The following ABI3BP variants were observed in gnomAD, a reference collection of about 807,000 sequenced individuals.
The protein encoded by ABI3BP is target of Nesh-SH3.
In ABI3BP, 216 loss-of-function variants were observed where a neutral mutation model predicts 268.6. The observed-to-expected ratio is 0.80, with a 90% CI of 0.72 to 0.90. ABI3BP has a LOEUF of 0.90. Ranked by LOEUF, ABI3BP falls within the 40% of genes least tolerant of loss-of-function variation. The probability of loss-of-function intolerance (pLI) is 0.00; values close to 1 mark genes in which losing one functional copy is unlikely to be tolerated. For synonymous variants in ABI3BP, 730 were observed against 730.0 expected (o/e 1.00, Z 0.00); for missense variants, 2,090 against 2,182.4 (o/e 0.96, Z 0.84).
At chr3:100,844,905 C>T (rs1359009545) in intron 20 of ABI3BP, among the ~76,000 whole-genome samples, 3 of 152,166 alleles carry the variant, frequency 2.0e-5, no homozygotes, top group Admixed American at 6.5e-5. Context: ...TGCTCAAACA[C>T]CTTACAATGA....
intron 1 of ABI3BP, among the ~76,000 whole-genome samples, chr3:100,969,758 C>G (rs2082776699): frequency 6.6e-6 from 1 of 152,096 alleles, no homozygotes; most frequent in African/African-American, 2.4e-5. Context: ...GAGTCCACAT[C>G]TAAGAGTGTT....
chr3:100,794,861 T>C, intron 54 of ABI3BP, 62 bp downstream of exon 54: 2 of 1,207,392 alleles, frequency 1.7e-6, no homozygotes, highest in Admixed American at 4.2e-5. Context: ...GTATTATGGT[T>C]ACTTTAAGGG....
chr3:100,876,222 C>T (rs2099159923), intron 7 of ABI3BP, among the ~76,000 whole-genome samples: 1 of 152,164 alleles, frequency 6.6e-6, no homozygotes, highest in South Asian at 2.1e-4. Context: ...ACAACTTAAT[C>T]TTGGGCAAAG....
intron 57 of ABI3BP, among the ~76,000 whole-genome samples, chr3:100,782,157 T>A (rs764028785): frequency 6.6e-6 from 1 of 152,196 alleles, no homozygotes; most frequent in Non-Finnish European, 1.5e-5. Context: ...GCATGTGTTA[T>A]CCAGCCATGC....
At chr3:100,823,368 G>T in intron 37 of ABI3BP, 90 bp downstream of exon 37, 2 of 1,162,176 alleles carry the variant, frequency 1.7e-6, no homozygotes, top group Non-Finnish European at 2.4e-6. Context: ...TGGCCATCAA[G>T]AATGACACTG....
chr3:100,910,346 C>T lies in ABI3BP; in HGVS notation c.260-7660G>A, dbSNP rs144284346. On this transcript the variant is annotated intron_variant, in intron 2 of 67. Transcript: ENST00000471714. ...ATGAATGCAGCAAACCACCATGGCA[C>T]TTGTATACCTATGTAACAAACCTGC... 9.2e-5 allele frequency among the ~76,000 whole-genome samples: 14 copies of T among 152,104 alleles called. No homozygotes were observed. In the East Asian group the frequency reaches 2.3e-3, roughly 25 times the overall value.
intron 6 of ABI3BP, among the ~76,000 whole-genome samples, chr3:100,881,461 A>G (rs1316623643): frequency 1.3e-5 from 2 of 152,216 alleles, no homozygotes; most frequent in East Asian, 1.9e-4. Context: ...GAAGATTTAG[A>G]TTAAATAATT....
rs74916369 is a variant in ABI3BP at position 100,870,322 on chromosome 3, C to T, written c.911-3366G>A. ...TATATAAGGAACTTACACAAAATAG[C>T]GAAACAAAATAACACAACCACCCTC... On this transcript the variant is annotated intron_variant, in intron 9 of 67. Transcript: ENST00000471714. 4.5e-3 allele frequency among the ~76,000 whole-genome samples: 681 copies of T among 151,888 alleles called. 9 individuals carry two copies. Among genetic ancestry groups the T allele is most frequent in the African/African-American group, 0.016 (659 of 41,430 alleles).
In ABI3BP at chr3:100,916,140, C is replaced by T. The variant is rs150042601; in HGVS notation, c.259+10162G>A. ...GCTTGATTTTGAAGCAGAGACTGTA[C>T]ACTCGCACACACACATTTTTCCAGT... On this transcript the variant is annotated intron_variant, in intron 2 of 67. Transcript: ENST00000471714. Among the ~76,000 whole-genome samples, 691 of 152,284 alleles carry T rather than the reference C, an allele frequency of 4.5e-3. 9 individuals carry two copies. Among genetic ancestry groups the T allele is most frequent in the African/African-American group, 0.016 (651 of 41,548 alleles).
At chr3:100,869,330 GTTTTTTTTTTTTTTTTTTTTTTT>G (rs144604645) in intron 9 of ABI3BP, among the ~76,000 whole-genome samples, 1 of 49,754 alleles carries the variant, frequency 2.0e-5, no homozygotes, top group Non-Finnish European at 3.4e-5. Context: ...CTTCTTTTTG[GTTTTTTTTTTTTTTTTTTTTTTT>G]TTTGAGTCAG....
At chr3:100,988,641 T>C (rs1021926504) in intron 1 of ABI3BP, among the ~76,000 whole-genome samples, 3 of 152,162 alleles carry the variant, frequency 2.0e-5, no homozygotes, top group Non-Finnish European at 2.9e-5. Context: ...TGCTTTGTGC[T>C]TCACCCACAC....
At chr3:100,900,569 C>A (rs978059886) in intron 3 of ABI3BP, among the ~76,000 whole-genome samples, 3 of 152,072 alleles carry the variant, frequency 2.0e-5, no homozygotes, top group Non-Finnish European at 4.4e-5. Flanking sequence ...TGTAAGGAAC[C>A]TAAGGCTTGT....
intron 63 of ABI3BP, among the ~76,000 whole-genome samples, chr3:100,759,505 ACTAG>A (rs2095826364): frequency 6.6e-6 from 1 of 152,128 alleles, no homozygotes; most frequent in Non-Finnish European, 1.5e-5. Context: ...GGGGTCATAA[ACTAG>A]CTGGCTCTTA....
intron 1 of ABI3BP, among the ~76,000 whole-genome samples, chr3:100,942,284 T>C (rs959542251): frequency 2.0e-5 from 3 of 152,038 alleles, no homozygotes; most frequent in Non-Finnish European, 4.4e-5. Context: ...CTGAACCTGA[T>C]ATAAAAGGGG....
At chr3:100,923,553 C>T (rs375301095) in intron 2 of ABI3BP, among the ~76,000 whole-genome samples, 13 of 151,918 alleles carry the variant, frequency 8.6e-5, no homozygotes, top group Admixed American at 7.9e-4. Flanking sequence ...TCTTATTGGC[C>T]CTAAAACCCA....
At chr3:100,874,195 G>T (rs376577815) in intron 9 of ABI3BP, among the ~76,000 whole-genome samples, 1 of 152,022 alleles carries the variant, frequency 6.6e-6, no homozygotes, top group Non-Finnish European at 1.5e-5. Flanking sequence ...GGTTGGTGGT[G>T]GGGGGTGGTG....
intron 1 of ABI3BP, among the ~76,000 whole-genome samples, chr3:100,979,689 C>T (rs1211640642): frequency 6.6e-6 from 1 of 151,994 alleles, no homozygotes; most frequent in Non-Finnish European, 1.5e-5. Context: ...TTGGAAAACA[C>T]CACAGTAAAT....
chr3:100,862,582 A>G (rs1006882720), intron 13 of ABI3BP, 197 bp from the exon 14 acceptor site: 2 of 583,348 alleles, frequency 3.4e-6, no homozygotes, highest in Admixed American at 3.4e-5. Flanking sequence ...TCAGAGAGAG[A>G]CCAGAGTTTG....
intron 33 of ABI3BP, 101 bp downstream of exon 33, chr3:100,829,480 T>A: frequency 9.2e-7 from 1 of 1,085,502 alleles, no homozygotes; most frequent in Non-Finnish European, 1.3e-6. Context: ...TTGCCTAGTC[T>A]GATGTGGAAT....
Sources: gnomAD v4.1 joint callset for allele counts (sites outside exome capture counted in the v4.1 genomes callset) on GRCh38, gnomAD v4.1.1 for gene constraint, MANE v1.5 for transcripts, NCBI Gene and HGNC (gene_info 2026-07-23, HGNC 2026-07-21) for gene names.